Variants in SIKE1 observed in about 807,000 individuals in gnomAD.
SIKE1 encodes suppressor of IKK epsilon.
In SIKE1, 13 loss-of-function variants were observed where a neutral mutation model predicts 25.8. The observed-to-expected ratio is 0.50, with a 90% CI of 0.33 to 0.80. The LOEUF (loss-of-function observed/expected upper bound fraction) is 0.80. SIKE1 is among the 30% of genes least tolerant of loss of function. SIKE1 has a pLI of 0.02. For synonymous variants in SIKE1, 86 were observed against 95.5 expected, an observed-to-expected ratio of 0.90 and a Z score of 0.58; for missense variants, 222 against 252.4, an observed-to-expected ratio of 0.88 and a Z score of 0.82.
At chr1:114,775,173 G>A (rs1662176970) in intron 4 of SIKE1, among the ~76,000 whole-genome samples, 3 of 152,144 alleles carry the variant, frequency 2.0e-5, no homozygotes, top group Admixed American at 6.5e-5. Flanking sequence ...TCTAGAGAGG[G>A]TAGCTTCTGC....
Position 114,772,402 on chromosome 1 carries a change from A to G in SIKE1, c.*1869T>C, listed in dbSNP as rs1392700415. ...TACATATTATCTTCATAGCATTAAC[A>G]CCAGCCAGAATTTATATTATGTAGA... On this transcript the variant is annotated 3_prime_UTR_variant, in exon 5 of 5. Transcript: ENST00000060969. The G allele has an allele frequency of 6.6e-6, 1 of 152,182 alleles. No individual in the cohort carries two copies. Among genetic ancestry groups the G allele is most frequent in the African/African-American group, 2.4e-5 (1 of 41,432 alleles). The allele number at this position is 152,182 out of a possible 1,614,324, so 9.4% of individuals were successfully genotyped here.
chr1:114,778,198 G>C (rs1177562688), intron 3 of SIKE1, among the ~76,000 whole-genome samples: 3 of 152,176 alleles, frequency 2.0e-5, no homozygotes, highest in Non-Finnish European at 4.4e-5. Context: ...TATACATCTA[G>C]AATTAAATGA....
chr1:114,771,718 A>C lies in SIKE1; in HGVS notation c.*2553T>G, dbSNP rs1052854738. The C allele has an allele frequency of 4.6e-5, 7 of 152,198 alleles. No individual in the cohort carries two copies. The highest frequency in any genetic ancestry group is 1.7e-4 in the African/African-American group (7 of 41,458). 9.4% of individuals were successfully genotyped at this position (152,198 alleles called of 1,614,324 possible). ...TTATACATACTATAATGGATTTATCACACTGCATTATAATTTTATATATAT... is the reference window on the plus strand; with the variant it reads ...TTATACATACTATAATGGATTTATCCCACTGCATTATAATTTTATATATAT... On this transcript the variant is annotated 3_prime_UTR_variant, in exon 5 of 5. Transcript: ENST00000060969.
chr1:114,776,908 A>G (rs1005161641), intron 3 of SIKE1, among the ~76,000 whole-genome samples: 2 of 152,358 alleles, frequency 1.3e-5, no homozygotes, highest in Admixed American at 6.5e-5. Context: ...ATACCATGGA[A>G]TACTATGCAG....
rs1194853641 is a variant in SIKE1, at chr1:114,772,752, T to G, written c.*1519A>C. On this transcript the variant is annotated 3_prime_UTR_variant, in exon 5 of 5. Coordinates refer to ENST00000060969, the MANE Select transcript of SIKE1 (RefSeq NM_025073.3). ...ACTTACTTACTCTTGGGAAATGAAA[T>G]AAAAAATGCTCACACTTGGAAGTGT... 1 of 152,082 alleles carries G rather than the reference T, an allele frequency of 6.6e-6. No homozygotes were observed. The highest frequency in any genetic ancestry group is 2.4e-5 in the African/African-American group (1 of 41,432). The allele number at this position is 152,082 out of a possible 1,614,324, so 9.4% of individuals were successfully genotyped here.
Position 114,773,097 on chromosome 1 carries a change from A to G in SIKE1, c.*1174T>C, listed in dbSNP as rs1662111534. Reference sequence around the variant, plus strand: ...CAACTAATTCTGGGCAAATCTAAATAGAATAGTATAACATGAAGAAATTTA... The same window carrying G: ...CAACTAATTCTGGGCAAATCTAAATGGAATAGTATAACATGAAGAAATTTA... On this transcript the variant is annotated 3_prime_UTR_variant, in exon 5 of 5. Coordinates refer to ENST00000060969, the MANE Select transcript of SIKE1 (RefSeq NM_025073.3). 6.6e-6 allele frequency: 1 copy of G among 152,174 alleles called. No homozygotes were observed. Among genetic ancestry groups the G allele is most frequent in the Admixed American group, 6.5e-5 (1 of 15,274 alleles). The allele number at this position is 152,174 out of a possible 1,614,324, so 9.4% of individuals were successfully genotyped here. A position where few individuals can be genotyped will look rare whatever the true frequency, so the allele number is the denominator to read the frequency against.
intron 4 of SIKE1, among the ~76,000 whole-genome samples, chr1:114,775,652 T>C (rs1662216934): frequency 6.6e-6 from 1 of 151,950 alleles, no homozygotes; most frequent in Non-Finnish European, 1.5e-5. Flanking sequence ...ATTACAGGTG[T>C]GCACCACCAC....
In SIKE1 at chr1:114,772,433, A is replaced by AT. The variant is rs1662094887; in HGVS notation, c.*1837_*1838insA. The AT allele has an allele frequency of 6.6e-6, 1 of 152,204 alleles. No individual in the cohort carries two copies. The highest frequency in any genetic ancestry group is 6.5e-5 in the Admixed American group (1 of 15,272). 9.4% of individuals were successfully genotyped at this position (152,204 alleles called of 1,614,324 possible). On this transcript the variant is annotated 3_prime_UTR_variant, in exon 5 of 5. Coordinates refer to ENST00000060969, the MANE Select transcript of SIKE1 (RefSeq NM_025073.3). The stretch of plus-strand genomic sequence containing the variant: ...CAGAATTTATATTATGTAGAGCACT[A>AT]AAAGCTTCTTAGACTTGTACCTCAG...
chr1:114,778,453 G>A (rs1662308411), intron 3 of SIKE1, among the ~76,000 whole-genome samples: 1 of 152,186 alleles, frequency 6.6e-6, no homozygotes, highest in African/African-American at 2.4e-5. Flanking sequence ...CGCCTTACAA[G>A]CAAGGAGCTT....
chr1:114,777,107 TGGG>T (rs887223925), intron 3 of SIKE1, among the ~76,000 whole-genome samples: 14 of 152,014 alleles, frequency 9.2e-5, no homozygotes, highest in African/African-American at 3.1e-4. Flanking sequence ...GTCATAGGGT[TGGG>T]GGAGTGGGGA....
chr1:114,780,344 C>T, intron 1 of SIKE1, 105 bp downstream of exon 1: 1 of 1,602,784 alleles, frequency 6.2e-7, no homozygotes, highest in Non-Finnish European at 8.5e-7. Context: ...CACCGCCGCC[C>T]TCTGAGACCG....
At position 114,769,915 on chromosome 1, in the gene SIKE1, A is replaced by C. The variant is rs963208913; in HGVS notation, c.*4356T>G. 6 of 152,216 alleles carry C rather than the reference A, an allele frequency of 3.9e-5. No homozygotes were observed. The highest frequency in any genetic ancestry group is 1.4e-4 in the African/African-American group (6 of 41,456). The allele number at this position is 152,216 out of a possible 1,614,324, so 9.4% of individuals were successfully genotyped here. A position where few individuals can be genotyped will look rare whatever the true frequency, so the allele number is the denominator to read the frequency against. ...TTTATAAGCATCAAATATTACATTT[A>C]AATATAAGTCCCAAATTATGTATAA... On this transcript the variant is annotated 3_prime_UTR_variant, in exon 5 of 5. Transcript: ENST00000060969.
chr1:114,773,687 T>TA lies in SIKE1; in HGVS notation c.*583dup, dbSNP rs1558019482. 1 of 152,644 alleles carries TA rather than the reference T, an allele frequency of 6.6e-6. No homozygotes were observed. Among genetic ancestry groups the TA allele is most frequent in the Non-Finnish European group, 1.5e-5 (1 of 68,032 alleles). 9.5% of individuals were successfully genotyped at this position (152,644 alleles called of 1,614,324 possible). A position where few individuals can be genotyped will look rare whatever the true frequency, so the allele number is the denominator to read the frequency against. Reference sequence around the variant, plus strand: ...TATTTCCAAGTGTGTTTCCTGGGACTAGCAGTAGGTTCTCTCAAATTAAAA... The same window carrying TA: ...TATTTCCAAGTGTGTTTCCTGGGACTAAGCAGTAGGTTCTCTCAAATTAAAA... On this transcript the variant is annotated 3_prime_UTR_variant, in exon 5 of 5. Transcript: ENST00000060969.
At chr1:114,780,246 T>C (rs781596110) in intron 1 of SIKE1, 31 bp from the exon 2 acceptor site, 1 of 1,580,208 alleles carries the variant, frequency 6.3e-7, no homozygotes, top group South Asian at 1.1e-5. Flanking sequence ...TAAGCATGCC[T>C]TAAAGAGAAC....
rs1213984144 is a variant in SIKE1, at chr1:114,771,281, C to T, written c.*2990G>A. 6.6e-6 allele frequency: 1 copy of T among 152,206 alleles called. No homozygotes were observed. Among genetic ancestry groups the T allele is most frequent in the Non-Finnish European group, 1.5e-5 (1 of 68,038 alleles). 9.4% of individuals were successfully genotyped at this position (152,206 alleles called of 1,614,324 possible). Reference sequence around the variant, plus strand: ...GAAAATAATATCTCATTAGTTAAGACTCCATTTATTGAATTCATAATACTT... The same window carrying T: ...GAAAATAATATCTCATTAGTTAAGATTCCATTTATTGAATTCATAATACTT... On this transcript the variant is annotated 3_prime_UTR_variant, in exon 5 of 5. Transcript: ENST00000060969.
rs2101121705 is a variant in SIKE1, at chr1:114,769,996, C to T, written c.*4275G>A. On this transcript the variant is annotated 3_prime_UTR_variant, in exon 5 of 5. Coordinates refer to ENST00000060969, the MANE Select transcript of SIKE1 (RefSeq NM_025073.3). ...GTTCCTAAAACTATGCTTATTTTAT[C>T]AAGCAGAGTTCTTGGTTTTAGGCAA... is the stretch of plus-strand genomic sequence containing the variant. 6.6e-6 allele frequency: 1 copy of T among 152,254 alleles called. No homozygotes were observed. Among genetic ancestry groups the T allele is most frequent in the Admixed American group, 6.5e-5 (1 of 15,284 alleles). 9.4% of individuals were successfully genotyped at this position (152,254 alleles called of 1,614,324 possible). A position where few individuals can be genotyped will look rare whatever the true frequency, so the allele number is the denominator to read the frequency against.
chr1:114,779,406 G>T, intron 2 of SIKE1, 122 bp from the exon 3 acceptor site: 1 of 1,015,744 alleles, frequency 9.8e-7, no homozygotes, highest in Non-Finnish European at 1.4e-6. Flanking sequence ...GTAAATCAAT[G>T]TTTAAGTCCG....
In SIKE1 at chr1:114,780,678, T is replaced by A; in HGVS notation, c.-71A>T. 7.3e-7 allele frequency: 1 copy of A among 1,370,310 alleles called. No homozygotes were observed. Among genetic ancestry groups the A allele is most frequent in the Non-Finnish European group, 9.9e-7 (1 of 1,009,806 alleles). 84.9% of individuals were successfully genotyped at this position (1,370,310 alleles called of 1,614,324 possible). A position where few individuals can be genotyped will look rare whatever the true frequency, so the allele number is the denominator to read the frequency against. On this transcript the variant is annotated 5_prime_UTR_variant, in exon 1 of 5. The change creates a premature stop within an existing upstream ORF in the 5' untranslated region. Coordinates refer to ENST00000060969, the MANE Select transcript of SIKE1 (RefSeq NM_025073.3). Reference sequence around the variant, plus strand: ...CGCTCAGATCTTCTGGGAGTCTGTCTCAGCATTACAGGCGTCATTTCCGGG... The same window carrying A: ...CGCTCAGATCTTCTGGGAGTCTGTCACAGCATTACAGGCGTCATTTCCGGG...
At chr1:114,777,862 T>C (rs576861515) in intron 3 of SIKE1, among the ~76,000 whole-genome samples, 1 of 152,338 alleles carries the variant, frequency 6.6e-6, no homozygotes, top group East Asian at 1.9e-4. Context: ...ACCCATTGGA[T>C]GTTGGATACT....
Sources: gnomAD v4.1 joint callset for allele counts (sites outside exome capture counted in the v4.1 genomes callset) on GRCh38, gnomAD v4.1.1 for gene constraint, MANE v1.5 for transcripts, NCBI Gene and HGNC (gene_info 2026-07-23, HGNC 2026-07-21) for gene names.